DTNBP1: variants seen among roughly 807,000 people sequenced by gnomAD.
DTNBP1 encodes the protein dysbindin.
A neutral mutation model predicts 42.8 loss-of-function variants in DTNBP1; 35 were observed. That is an observed-to-expected ratio of 0.82 (90% CI 0.63 to 1.09). The LOEUF (loss-of-function observed/expected upper bound fraction) is 1.09, where lower values mean the gene tolerates loss of function less well. Among genes scored for constraint, DTNBP1 ranks in the 50% least tolerant of loss-of-function variants. The probability of loss-of-function intolerance (pLI) is 0.00; values close to 1 mark genes in which losing one functional copy is unlikely to be tolerated. For missense variants in DTNBP1, 457 were observed against 424.2 expected, an observed-to-expected ratio of 1.08 and a Z score of -0.68; for synonymous variants, 171 against 162.2, an observed-to-expected ratio of 1.05 and a Z score of -0.41.
At chr6:15,618,964 A>G (rs1361888867) in intron 5 of DTNBP1, among the ~76,000 whole-genome samples, 1 of 152,206 alleles carries the variant, frequency 6.6e-6, no homozygotes, top group Non-Finnish European at 1.5e-5. Flanking sequence ...GTTAAGTGAA[A>G]TAAGCCAGGC....
chr6:15,599,455 GA>G (rs1316079929), intron 6 of DTNBP1, among the ~76,000 whole-genome samples: 1 of 152,176 alleles, frequency 6.6e-6, no homozygotes, highest in Non-Finnish European at 1.5e-5. Context: ...TCAGCATCCA[GA>G]ATACAGTTCA....
chr6:15,537,658 C>T (rs1198867854), intron 7 of DTNBP1, among the ~76,000 whole-genome samples: 7 of 152,146 alleles, frequency 4.6e-5, no homozygotes, highest in Non-Finnish European at 1.0e-4. Flanking sequence ...TTCGCCCATG[C>T]TGTTCCTGTG....
intron 7 of DTNBP1, among the ~76,000 whole-genome samples, chr6:15,586,368 C>T (rs917824110): frequency 3.9e-5 from 6 of 152,072 alleles, no homozygotes; most frequent in African/African-American, 1.4e-4. Context: ...CACTTCTCCA[C>T]AAATTTTTCC....
At chr6:15,662,551 C>T (rs559397217) in intron 1 of DTNBP1, among the ~76,000 whole-genome samples, 2 of 152,230 alleles carry the variant, frequency 1.3e-5, no homozygotes, top group Non-Finnish European at 2.9e-5. Context: ...CCCACACCCC[C>T]CCCGGGCGCT....
intron 7 of DTNBP1, among the ~76,000 whole-genome samples, chr6:15,541,493 G>T (rs936649290): frequency 1.8e-4 from 28 of 152,194 alleles, no homozygotes; most frequent in Middle Eastern, 3.4e-3. Context: ...CAAATACAAA[G>T]ATGTTAAGAG....
chr6:15,526,246 C>T (rs1358251266), intron 8 of DTNBP1, among the ~76,000 whole-genome samples: 1 of 152,172 alleles, frequency 6.6e-6, no homozygotes, highest in African/African-American at 2.4e-5. Flanking sequence ...TGCAAGAAAG[C>T]ATGTTAAGCA....
intron 6 of DTNBP1, among the ~76,000 whole-genome samples, chr6:15,594,699 T>A (rs1016394840): frequency 6.6e-6 from 1 of 151,990 alleles, no homozygotes; most frequent in Non-Finnish European, 1.5e-5. Flanking sequence ...CATCCTCACA[T>A]TAGCAATTCC....
At chr6:15,535,610 C>T (rs1773179380) in intron 7 of DTNBP1, among the ~76,000 whole-genome samples, 1 of 152,190 alleles carries the variant, frequency 6.6e-6, no homozygotes, top group South Asian at 2.1e-4. Flanking sequence ...AGCAACCTCA[C>T]CCAGCCTCAG....
intron 1 of DTNBP1, among the ~76,000 whole-genome samples, chr6:15,654,957 G>A (rs1581441713): frequency 6.6e-6 from 1 of 152,304 alleles, no homozygotes; most frequent in South Asian, 2.1e-4. Flanking sequence ...TTTTAGTGAT[G>A]CAAGCTGACA....
intron 4 of DTNBP1, 112 bp from the exon 5 acceptor site, chr6:15,627,587 GATTAC>G: frequency 6.9e-7 from 1 of 1,443,140 alleles, no homozygotes; most frequent in Non-Finnish European, 9.3e-7. Context: ...ACTCAGTAGA[GATTAC>G]GGTACATTCT....
chr6:15,639,972 T>A (rs1036414060), intron 3 of DTNBP1, among the ~76,000 whole-genome samples: 13 of 152,192 alleles, frequency 8.5e-5, no homozygotes, highest in African/African-American at 3.1e-4. Context: ...GCTTTTCACA[T>A]CCACCTTGCC....
At chr6:15,523,691 T>C in intron 9 of DTNBP1, 1 of 1,287,316 alleles carries the variant, frequency 7.8e-7, no homozygotes. Context: ...AAATTCTATA[T>C]GCAGGTGTCA....
At chr6:15,655,640 TAAA>T (rs5874522) in intron 1 of DTNBP1, among the ~76,000 whole-genome samples, 1 of 141,048 alleles carries the variant, frequency 7.1e-6, no homozygotes, top group Non-Finnish European at 1.5e-5. Flanking sequence ...AAAACGAAGT[TAAA>T]AAAAAAAAAA....
rs2113566304 is a variant in DTNBP1, at chr6:15,579,686, TCC to T, written c.511+13371_511+13372del. On this transcript the variant is annotated intron_variant, in intron 7 of 9. Transcript: ENST00000344537. ...TGGGCATGGTGGCAGGCGCCTGTAA[TCC>T]CAGCTATTTGGGAGGCTAAGGCAGG... The T allele has an allele frequency of 1.1e-5, 3 of 264,594 alleles. 1 individual carries two copies. Among genetic ancestry groups the T allele is most frequent in the Non-Finnish European group, 2.3e-5 (3 of 129,046 alleles). The allele number at this position is 264,594 out of a possible 1,614,324, so 16.4% of individuals were successfully genotyped here.
chr6:15,640,880 C>G (rs1340400231), intron 3 of DTNBP1, among the ~76,000 whole-genome samples: 1 of 152,150 alleles, frequency 6.6e-6, no homozygotes. Context: ...ATCCACCACC[C>G]CAACCCCTGG....
chr6:15,618,329 A>T (rs1019339949), intron 5 of DTNBP1, among the ~76,000 whole-genome samples: 3 of 152,164 alleles, frequency 2.0e-5, no homozygotes, highest in African/African-American at 7.2e-5. Context: ...CCCTCGTTAG[A>T]ATAGCTATTG....
intron 7 of DTNBP1, among the ~76,000 whole-genome samples, chr6:15,576,126 C>CT (rs111425937): frequency 0.44 from 66,096 of 148,920 alleles, 15,129 homozygotes; most frequent in East Asian, 0.55. Flanking sequence ...CTTCTTTTTC[C>CT]TTTTTTTTTT....
At chr6:15,638,864 G>T (rs1252553021) in intron 3 of DTNBP1, among the ~76,000 whole-genome samples, 13 of 147,496 alleles carry the variant, frequency 8.8e-5, no homozygotes, top group Admixed American at 8.8e-4. Flanking sequence ...TTGAGACAGG[G>T]TCTCACTCTG....
chr6:15,594,973 T>C lies in DTNBP1; in HGVS notation c.489-1892A>G, dbSNP rs1001843743. On this transcript the variant is annotated intron_variant, in intron 6 of 9. Coordinates refer to ENST00000344537, the MANE Select transcript of DTNBP1 (RefSeq NM_032122.5). ...CAGCAACTACTATTAAATACATTAA[T>C]GAGTGAGTGTGCAATTGAGGAGGGC... Among the ~76,000 whole-genome samples, 41 of 152,290 alleles carry C rather than the reference T, an allele frequency of 2.7e-4. 1 individual carries two copies. The highest frequency in any genetic ancestry group is 8.9e-4 in the African/African-American group (37 of 41,550).
Sources: allele counts gnomAD v4.1 joint callset (sites outside exome capture counted in the v4.1 genomes callset), GRCh38; gene constraint gnomAD v4.1.1; transcripts MANE v1.5; gene names NCBI Gene and HGNC (gene_info 2026-07-23, HGNC 2026-07-21).